FBXL18: variants seen among roughly 807,000 people sequenced by gnomAD.
The protein encoded by FBXL18 is F-box/LRR-repeat protein 18.
In FBXL18, 36 loss-of-function variants were observed where a neutral mutation model predicts 46.0. The ratio of observed to expected loss-of-function variants is 0.78; its 90% CI spans 0.60 to 1.03. The LOEUF (loss-of-function observed/expected upper bound fraction) is 1.03. Among genes scored for constraint, FBXL18 ranks in the 50% least tolerant of loss-of-function variants. The pLI is 0.00. For missense variants in FBXL18, 977 were observed against 1,004.1 expected (o/e 0.97, Z 0.36); for synonymous variants, 557 against 465.3 (o/e 1.20, Z -2.54).
intron 4 of FBXL18, among the ~76,000 whole-genome samples, chr7:5,456,120 C>T (rs567557556): frequency 1.3e-5 from 2 of 151,756 alleles, no homozygotes; most frequent in South Asian, 2.1e-4. Context: ...TCCCACCTAA[C>T]GTCATCATGG....
intron 4 of FBXL18, among the ~76,000 whole-genome samples, chr7:5,457,603 G>A (rs1783190061): frequency 6.6e-6 from 1 of 152,240 alleles, no homozygotes; most frequent in Non-Finnish European, 1.5e-5. Context: ...TCTCCAGAGG[G>A]CAGCAAGCTA....
chr7:5,512,262 A>C (rs1477275829), intron 1 of FBXL18, among the ~76,000 whole-genome samples: 1 of 149,784 alleles, frequency 6.7e-6, no homozygotes, highest in Non-Finnish European at 1.5e-5. Flanking sequence ...AAAAAGAAAA[A>C]GAAAAAGAGG....
intron 1 of FBXL18, among the ~76,000 whole-genome samples, chr7:5,510,970 G>A (rs779352490): frequency 2.0e-5 from 3 of 152,168 alleles, no homozygotes; most frequent in Non-Finnish European, 4.4e-5. Flanking sequence ...TTAGTTATTC[G>A]CTAAACTCTG....
chr7:5,471,613 T>C (rs1282877794), downstream of FBXL18, among the ~76,000 whole-genome samples: 2 of 152,088 alleles, frequency 1.3e-5, no homozygotes, highest in East Asian at 3.9e-4. Context: ...GGCTTCACCG[T>C]GTTAGCCAGG....
chr7:5,485,891 T>TA (rs956206236), intron 4 of FBXL18, among the ~76,000 whole-genome samples: 4 of 149,692 alleles, frequency 2.7e-5, no homozygotes, highest in African/African-American at 4.9e-5. Flanking sequence ...CCATCTCTAC[T>TA]AAAAAAAACA....
intron 2 of FBXL18, among the ~76,000 whole-genome samples, chr7:5,503,213 T>G (rs1445356492): frequency 6.6e-6 from 1 of 152,206 alleles, no homozygotes; most frequent in Non-Finnish European, 1.5e-5. Context: ...AGACCCCATA[T>G]CTACCAAAAA....
rs1360966066 is a variant in FBXL18, at chr7:5,496,355, C to T, written c.1781+4133G>A. Among the ~76,000 whole-genome samples the T allele has an allele frequency of 6.6e-6, 1 of 152,198 alleles. No homozygotes were observed. The highest frequency in any genetic ancestry group is 1.9e-4 in the East Asian group (1 of 5,198). ...TTGCTTCCGGAACACCCCCTCCCTC[C>T]GGCCAGTGCCTCCCTTGCTGACAGC... is the stretch of plus-strand genomic sequence containing the variant. On this transcript the variant is annotated intron_variant, in intron 3 of 4. Transcript: ENST00000382368. The surrounding 1 kb of genome is among the most constrained non-coding windows in gnomAD (Gnocchi z 4.8).
Position 5,481,500 on chromosome 7 carries a change from G to T in FBXL18, c.*275C>A. The T allele has an allele frequency of 2.6e-6, 1 of 383,304 alleles. No individual in the cohort carries two copies. Among genetic ancestry groups the T allele is most frequent in the Non-Finnish European group, 4.8e-6 (1 of 208,392 alleles). 23.7% of individuals were successfully genotyped at this position (383,304 alleles called of 1,614,324 possible). The stretch of plus-strand genomic sequence containing the variant: ...CTCAGTATACAAACCCCCCAGCCAG[G>T]CCCCAAGGGTCAGCCTGGTTCAGCC... On this transcript the variant is annotated 3_prime_UTR_variant, in exon 5 of 5. Transcript: ENST00000382368.
Position 5,502,048 on chromosome 7 carries a change from G to A in FBXL18, c.238-17C>T, listed in dbSNP as rs1784281709. The A allele has an allele frequency of 1.3e-6, 2 of 1,546,314 alleles. No homozygotes were observed. The highest frequency in any genetic ancestry group is 2.7e-5 in the African/African-American group (2 of 74,010). On this transcript the variant is annotated splice_polypyrimidine_tract_variant and intron_variant, in intron 2 of 4. Coordinates refer to ENST00000382368, the MANE Select transcript of FBXL18 (RefSeq NM_024963.6). ...CTCGCTCGCCTGCGGGACAGAGGCA[G>A]GGTGGGGAGAGGAAGGAAAGGGCTG...
At chr7:5,456,721 G>A (rs1023258747) in intron 4 of FBXL18, among the ~76,000 whole-genome samples, 12 of 152,080 alleles carry the variant, frequency 7.9e-5, no homozygotes, top group African/African-American at 2.9e-4. Flanking sequence ...AGGTGAGAAG[G>A]GATGGCCCTG....
Position 5,501,320 on chromosome 7 carries a change from A to C in FBXL18, c.949T>G (p.Phe317Val). ...LLQHMKFNNPFYFSFSRCTLS... is the reference protein window; with the variant it reads ...LLQHMKFNNPVYFSFSRCTLS... Reference sequence around the variant, plus strand: ...GTACAGCGGCTGAAACTGAAGTAGAACGGGTTGTTGAATTTCATGTGCTGC... The same window carrying C: ...GTACAGCGGCTGAAACTGAAGTAGACCGGGTTGTTGAATTTCATGTGCTGC... The change falls in exon 3 of 5, where the codon TTC becomes GTC. Residue 317 changes from phenylalanine to valine, a missense_variant. Phe to Val is a conservative substitution (Grantham distance 50). Coordinates refer to ENST00000382368, the MANE Select transcript of FBXL18 (RefSeq NM_024963.6). The C allele has an allele frequency of 3.1e-6, 5 of 1,614,136 alleles. No homozygotes were observed. The highest frequency in any genetic ancestry group is 4.2e-6 in the Non-Finnish European group (5 of 1,180,016).
At chr7:5,493,206 G>GCACCTGTACTCCCC (rs1191222705) in intron 3 of FBXL18, among the ~76,000 whole-genome samples, 1 of 152,158 alleles carries the variant, frequency 6.6e-6, no homozygotes, top group Non-Finnish European at 1.5e-5. Context: ...ATGGTGGCAC[G>GCACCTGTACTCCCC]CACCTGTACT....
chr7:5,489,986 T>A, intron 4 of FBXL18: 1 of 1,283,782 alleles, frequency 7.8e-7, no homozygotes, highest in Non-Finnish European at 1.0e-6. Flanking sequence ...TAGTCTAAAT[T>A]TTTAAAAAGT....
rs776747249 is a variant in FBXL18, at chr7:5,500,502, C to A, written c.1767G>T (p.Arg589=). The A allele has an allele frequency of 3.7e-6, 6 of 1,603,030 alleles. No individual in the cohort carries two copies. The highest frequency in any genetic ancestry group is 1.1e-5 in the South Asian group (1 of 89,962). ...ALSDMLKHCK[R]LRDLRLEQPY... ...GGCCCCCTCACCTGAGGTCCCTCAG[C>A]CGCTTGCAGTGCTTCAACATGTCTG... is the stretch of plus-strand genomic sequence containing the variant. Residue 589 remains arginine, a synonymous_variant, in exon 3 of 5, where the codon CGG becomes CGT. Coordinates refer to ENST00000382368, the MANE Select transcript of FBXL18 (RefSeq NM_024963.6).
chr7:5,473,212 C>A (rs1266712664), downstream of FBXL18, among the ~76,000 whole-genome samples: 1 of 152,140 alleles, frequency 6.6e-6, no homozygotes, highest in Non-Finnish European at 1.5e-5. Context: ...GCCATTTCTG[C>A]CAGAGAAACA....
At position 5,501,415 on chromosome 7, in the gene FBXL18, G is replaced by C; in HGVS notation, c.854C>G (p.Ser285Cys). The change falls in exon 3 of 5, where the codon TCC becomes TGC. Residue 285 changes from serine (S) to cysteine (C), a missense_variant. Coordinates refer to ENST00000382368, the MANE Select transcript of FBXL18 (RefSeq NM_024963.6). ...ATCCAGCACGACATTGCGCGCCATG[G>C]AGTCCAGGAGGTTCTTGGTGGCGCC... is the stretch of plus-strand genomic sequence containing the variant. Reference protein sequence around the residue: ...ESGATKNLLDSMARNVVLDAL... With the variant: ...ESGATKNLLDCMARNVVLDAL... The C allele has an allele frequency of 6.2e-7, 1 of 1,613,692 alleles. No homozygotes were observed. The highest frequency in any genetic ancestry group is 8.5e-7 in the Non-Finnish European group (1 of 1,180,022).
intron 1 of FBXL18, 152 bp downstream of exon 1, chr7:5,513,505 G>T: frequency 1.2e-6 from 1 of 866,632 alleles, no homozygotes; most frequent in Non-Finnish European, 1.9e-6. Flanking sequence ...AAGGACGGGA[G>T]CAGGGGCAAG....
chr7:5,491,090 C>A, intron 4 of FBXL18, 141 bp downstream of exon 4: 2 of 766,222 alleles, frequency 2.6e-6, no homozygotes, highest in Non-Finnish European at 4.2e-6. Flanking sequence ...GACCAAACCC[C>A]TTGCTTTCAC....
intron 4 of FBXL18, among the ~76,000 whole-genome samples, chr7:5,486,027 C>G (rs2128234666): frequency 6.6e-6 from 1 of 151,016 alleles, no homozygotes; most frequent in South Asian, 2.1e-4. Context: ...CCACTGCACT[C>G]CAGCCTGGCC....
Sources: gnomAD v4.1 joint callset for allele counts (sites outside exome capture counted in the v4.1 genomes callset) on GRCh38, gnomAD v4.1.1 for gene constraint, Gnocchi (gnomAD v3.1) non-coding constraint, MANE v1.5 for transcripts, NCBI Gene and HGNC (gene_info 2026-07-23, HGNC 2026-07-21) for gene names.